Variants in PSD3 observed in about 807,000 individuals in gnomAD.
PSD3 encodes PH and SEC7 domain-containing protein 3.
A neutral mutation model predicts 105.5 loss-of-function variants in PSD3; 49 were observed. The observed-to-expected ratio is 0.46, with a 90% CI of 0.37 to 0.59. The LOEUF is 0.59. PSD3 is among the 20% of genes least tolerant of loss of function. The pLI, the probability that PSD3 is intolerant of heterozygous loss-of-function variation, is 0.00. For synonymous variants in PSD3, 557 were observed against 457.8 expected (o/e 1.22, Z -2.77); for missense variants, 1,561 against 1,263.8 (o/e 1.24, Z -3.57).
rs200816936 is a variant in PSD3, at chr8:18,867,979, G to A, written c.1329C>T (p.Ser443=). 1.2e-6 allele frequency: 2 copies of A among 1,614,168 alleles called. No homozygotes were observed. Among genetic ancestry groups the A allele is most frequent in the East Asian group, 4.5e-5 (2 of 44,880 alleles). The change falls in exon 4 of 16, where the codon TCC becomes TCT. Residue 443 remains serine (S), a synonymous_variant. Transcript: ENST00000327040. The stretch of plus-strand genomic sequence containing the variant: ...TGTTGTCCAAAATGGTTTCAAACTG[G>A]GAGCTGTACACGTCGGTGGAGTCCT... ...YTEDSTDVYS[S]QFETILDNTS...
At chr8:18,766,812 GCAA>G (rs1807040275) in intron 8 of PSD3, among the ~76,000 whole-genome samples, 1 of 152,208 alleles carries the variant, frequency 6.6e-6, no homozygotes, top group South Asian at 2.1e-4. Context: ...ATGTCACAGA[GCAA>G]CCTGAATAGG....
At position 19,041,373 on chromosome 8, in the gene PSD3, T is replaced by C. The variant is rs148106238; in HGVS notation, c.324+42833A>G. Reference sequence around the variant, plus strand: ...AGGGAATGTTGTACGATACTCATTTTAGTTATATGTGTAGTCAGAATTCCT... The same window carrying C: ...AGGGAATGTTGTACGATACTCATTTCAGTTATATGTGTAGTCAGAATTCCT... On this transcript the variant is annotated intron_variant, in intron 1 of 1. Coordinates refer to the PSD3 transcript ENST00000521475. 1.4e-4 allele frequency among the ~76,000 whole-genome samples: 22 copies of C among 152,332 alleles called. No homozygotes were observed. The East Asian group carries it at 3.7e-3, about 25-fold the overall frequency.
At chr8:18,680,749 T>C (rs1800340411) in intron 9 of PSD3, among the ~76,000 whole-genome samples, 1 of 152,156 alleles carries the variant, frequency 6.6e-6, no homozygotes, top group Non-Finnish European at 1.5e-5. Context: ...ATAACATCTA[T>C]AAGCTGAATT....
intron 1 of PSD3, among the ~76,000 whole-genome samples, chr8:19,051,181 C>A (rs1429620775): frequency 6.6e-6 from 1 of 152,118 alleles, no homozygotes; most frequent in Non-Finnish European, 1.5e-5. Context: ...TTAAGCTGGT[C>A]CAAGAGACCC....
At chr8:18,798,736 A>G (rs1810412096) in intron 8 of PSD3, among the ~76,000 whole-genome samples, 1 of 152,124 alleles carries the variant, frequency 6.6e-6, no homozygotes, top group South Asian at 2.1e-4. Context: ...GTTCGAGTAA[A>G]TGCTAAAATT....
intron 1 of PSD3, among the ~76,000 whole-genome samples, chr8:19,064,209 C>T (rs952471143): frequency 6.6e-6 from 1 of 152,018 alleles, no homozygotes; most frequent in Non-Finnish European, 1.5e-5. Context: ...TACCTGAGTT[C>T]TAGTTAATTA....
intron 4 of PSD3, 118 bp from the exon 5 acceptor site, chr8:18,805,016 G>C (rs923152821): frequency 1.2e-6 from 1 of 863,460 alleles, no homozygotes; most frequent in African/African-American, 1.7e-5. Flanking sequence ...TGAGATCACT[G>C]TATGTTTAAA....
intron 1 of PSD3, among the ~76,000 whole-genome samples, chr8:18,938,618 C>T (rs1396947669): frequency 6.9e-5 from 9 of 131,318 alleles, no homozygotes; most frequent in African/African-American, 2.7e-4. Flanking sequence ...AGCGAAAATC[C>T]GTCTCAAACA....
chr8:18,872,574 A>C lies in PSD3; in HGVS notation c.290T>G (p.Leu97Arg). 6.2e-7 allele frequency: 1 copy of C among 1,614,100 alleles called. No individual in the cohort carries two copies. Among genetic ancestry groups the C allele is most frequent in the Non-Finnish European group, 8.5e-7 (1 of 1,179,994 alleles). Residue 97 changes from leucine (L) to arginine (R), a missense_variant, in exon 3 of 16, where the codon CTT (leucine) becomes CGT (arginine). By Grantham distance (102) the Leu-to-Arg change is moderately radical (BLOSUM62 -2). Coordinates refer to ENST00000327040, the MANE Select transcript of PSD3 (RefSeq NM_015310.4). ...GTCGAGCCCAGAGTGGCAGCCAGTA[A>C]GAGGCTGGACACCCTGCTGCTCTTG... ...HPQEQQGVQP[L>R]TGCHSGLDSV...
intron 1 of PSD3, among the ~76,000 whole-genome samples, chr8:19,040,899 A>G (rs1221440298): frequency 4.6e-5 from 7 of 151,670 alleles, no homozygotes; most frequent in Non-Finnish European, 7.4e-5. Context: ...TTTTTATTTT[A>G]TTTGTTTATT....
intron 1 of PSD3, among the ~76,000 whole-genome samples, chr8:19,023,279 C>G (rs928578517): frequency 6.6e-6 from 1 of 152,024 alleles, no homozygotes; most frequent in Non-Finnish European, 1.5e-5. Context: ...ACGTGGCCAG[C>G]CAAATTTAAA....
At chr8:18,826,463 T>C (rs946006003) in intron 4 of PSD3, among the ~76,000 whole-genome samples, 5 of 152,238 alleles carry the variant, frequency 3.3e-5, no homozygotes, top group African/African-American at 1.2e-4. Flanking sequence ...ACTTACTATA[T>C]GGCTCATCAA....
intron 9 of PSD3, among the ~76,000 whole-genome samples, chr8:18,670,451 GA>G (rs1563159314): frequency 6.6e-6 from 1 of 152,132 alleles, no homozygotes; most frequent in Non-Finnish European, 1.5e-5. Flanking sequence ...GATTATAAGA[GA>G]AAAAGGGAAA....
intron 4 of PSD3, among the ~76,000 whole-genome samples, chr8:18,827,892 C>T (rs1586152008): frequency 7.2e-6 from 1 of 138,528 alleles, no homozygotes; most frequent in East Asian, 2.1e-4. Flanking sequence ...TTAAGCAACA[C>T]AAAGATAAGC....
intron 1 of PSD3, among the ~76,000 whole-genome samples, chr8:19,056,606 T>C (rs1828716755): frequency 6.6e-6 from 1 of 152,228 alleles, no homozygotes; most frequent in African/African-American, 2.4e-5. Flanking sequence ...AAACTACATA[T>C]TATGTCTGTG....
At chr8:19,013,538 C>G (rs568794133) in intron 1 of PSD3, 25 bp downstream of exon 1, 1 of 1,574,348 alleles carries the variant, frequency 6.4e-7, no homozygotes, top group Non-Finnish European at 8.6e-7. Context: ...GCACCCCGCG[C>G]CCGCGCCCCG....
At chr8:18,643,327 G>T (rs1175699363) in intron 10 of PSD3, among the ~76,000 whole-genome samples, 1 of 152,076 alleles carries the variant, frequency 6.6e-6, no homozygotes, top group African/African-American at 2.4e-5. Flanking sequence ...AATGGTTGGG[G>T]GACATATTCA....
At chr8:18,786,295 A>G (rs920216717) in intron 8 of PSD3, among the ~76,000 whole-genome samples, 1 of 152,248 alleles carries the variant, frequency 6.6e-6, no homozygotes. Flanking sequence ...TTTAAAGGCT[A>G]CAGAGTCAAA....
chr8:18,714,427 G>GAA (rs80018511), intron 9 of PSD3, among the ~76,000 whole-genome samples: 7 of 108,668 alleles, frequency 6.4e-5, no homozygotes, highest in East Asian at 2.8e-4. Context: ...AAATTTACAA[G>GAA]AAAAAAAAAA....
Sources: gnomAD v4.1 joint callset for allele counts (sites outside exome capture counted in the v4.1 genomes callset) on GRCh38, gnomAD v4.1.1 for gene constraint, MANE v1.5 for transcripts, NCBI Gene and HGNC (gene_info 2026-07-23, HGNC 2026-07-21) for gene names.